TENM3: variants seen among roughly 807,000 people sequenced by gnomAD.
The protein encoded by TENM3 is teneurin transmembrane protein 3, also known as teneurin-3.
TENM3 carries 63 observed loss-of-function variants against 255.1 expected under a neutral mutation model. That is an observed-to-expected ratio of 0.25 (90% CI 0.20 to 0.30). The LOEUF (loss-of-function observed/expected upper bound fraction) is 0.30, where lower values mean the gene tolerates loss of function less well. TENM3 is among the 10% of genes least tolerant of loss of function. The pLI is 1.00. For missense variants in TENM3, 2,929 were observed against 3,461.1 expected (o/e 0.85, Z 3.86); for synonymous variants, 1,306 against 1,322.3 (o/e 0.99, Z 0.27).
At chr4:182,542,924 A>G (rs1347766763) in intron 3 of TENM3, among the ~76,000 whole-genome samples, 1 of 152,224 alleles carries the variant, frequency 6.6e-6, no homozygotes, top group Non-Finnish European at 1.5e-5. Context: ...GATGTGAAGA[A>G]CACACGGGTT....
At chr4:182,780,331 G>A (rs1362246297) in intron 24 of TENM3, among the ~76,000 whole-genome samples, 2 of 127,950 alleles carry the variant, frequency 1.6e-5, no homozygotes, top group South Asian at 2.8e-4. Flanking sequence ...CCCATTGCTT[G>A]TTTTTCTCAG....
chr4:182,101,100 G>GAAGGAAGGAAAGA, the TENM3 span, among the ~76,000 whole-genome samples: 2 of 10,172 alleles, frequency 2.0e-4, 1 homozygote, highest in Non-Finnish European at 5.5e-4. Flanking sequence ...GGGAGGGAGG[G>GAAGGAAGGAAAGA]AGGGAGGAAG....
chr4:182,729,273 A>C (rs1760486009), intron 14 of TENM3, 92 bp downstream of exon 14: 2 of 1,108,586 alleles, frequency 1.8e-6, no homozygotes, highest in Admixed American at 4.6e-5. Flanking sequence ...GAACCTGAGG[A>C]AAGTGCTGTT....
At chr4:181,578,889 T>G in the TENM3 span, among the ~76,000 whole-genome samples, 6 of 152,182 alleles carry the variant, frequency 3.9e-5, no homozygotes, top group Non-Finnish European at 7.3e-5. Flanking sequence ...TCCGAGGTAC[T>G]AGGGGCTAGA....
intron 1 of TENM3, among the ~76,000 whole-genome samples, chr4:182,229,749 C>G (rs1756439324): frequency 6.6e-6 from 1 of 152,084 alleles, no homozygotes; most frequent in African/African-American, 2.4e-5. Context: ...ATTTTAGTAA[C>G]TCATAGAGCT....
Position 182,801,617 on chromosome 4 carries a change from C to G in TENM3, c.*1266C>G, listed in dbSNP as rs1157005452. 1 of 152,254 alleles carries G rather than the reference C, an allele frequency of 6.6e-6. No individual in the cohort carries two copies. The highest frequency in any genetic ancestry group is 2.4e-5 in the African/African-American group (1 of 41,438). The allele number at this position is 152,254 out of a possible 1,614,324, so 9.4% of individuals were successfully genotyped here. ...GGAGGAGGAAAGGTTCTGATGTAGT[C>G]GTGATCCTAAACACGTGTCTTAAGA... On this transcript the variant is annotated 3_prime_UTR_variant, in exon 28 of 28. Coordinates refer to ENST00000511685, the MANE Select transcript of TENM3 (RefSeq NM_001080477.4).
chr4:181,760,023 G>T, the TENM3 span, among the ~76,000 whole-genome samples: 2 of 151,960 alleles, frequency 1.3e-5, no homozygotes, highest in African/African-American at 2.4e-5. Flanking sequence ...CCACCATGCT[G>T]CCTACAGAGA....
intron 1 of TENM3, among the ~76,000 whole-genome samples, chr4:182,284,173 C>CA (rs1381138125): frequency 1.3e-5 from 2 of 151,864 alleles, no homozygotes; most frequent in Non-Finnish European, 2.9e-5. Flanking sequence ...TCAGGGTTAC[C>CA]AAAACCTGCC....
intron 3 of TENM3, among the ~76,000 whole-genome samples, chr4:182,560,977 G>A (rs964198849): frequency 3.3e-5 from 5 of 152,194 alleles, no homozygotes; most frequent in East Asian, 1.9e-4. Context: ...ATTCCTCTCC[G>A]TTCATGGCCA....
intron 3 of TENM3, among the ~76,000 whole-genome samples, chr4:182,513,727 G>GC (rs1218255064): frequency 3.3e-5 from 5 of 152,132 alleles, no homozygotes; most frequent in Non-Finnish European, 7.4e-5. Flanking sequence ...TGGAGGGACT[G>GC]CCCCTCCTAG....
chr4:182,509,886 G>A (rs190362093), intron 3 of TENM3, among the ~76,000 whole-genome samples: 146 of 143,004 alleles, frequency 1.0e-3, no homozygotes, highest in Non-Finnish European at 1.7e-3. Context: ...GCCATGAGCC[G>A]AGACTGCGCC....
chr4:182,346,777 C>G lies in TENM3; in HGVS notation c.359C>G (p.Thr120Ser). The G allele has an allele frequency of 6.2e-7, 1 of 1,613,574 alleles. No homozygotes were observed. The highest frequency in any genetic ancestry group is 8.5e-7 in the Non-Finnish European group (1 of 1,179,740). ...ATCAGTGCAGGGTCAGATGCTGATACTGAAAATGAAGCAGTGATGTCCCCA... is the reference window on the plus strand; with the variant it reads ...ATCAGTGCAGGGTCAGATGCTGATAGTGAAAATGAAGCAGTGATGTCCCCA... Reference protein sequence around the residue: ...YSISAGSDADTENEAVMSPEH... With the variant: ...YSISAGSDADSENEAVMSPEH... Residue 120 changes from threonine to serine, a missense_variant, in exon 3 of 28, where the codon ACT (threonine) becomes AGT (serine). Thr to Ser is a moderately conservative substitution (Grantham distance 58). Coordinates refer to ENST00000511685, the MANE Select transcript of TENM3 (RefSeq NM_001080477.4).
chr4:181,856,374 C>G, the TENM3 span, among the ~76,000 whole-genome samples: 5 of 152,286 alleles, frequency 3.3e-5, no homozygotes, highest in South Asian at 1.0e-3. Flanking sequence ...TCTGCAAAGC[C>G]TCCTCTGCCT....
chr4:182,672,215 G>A (rs1339522728), intron 6 of TENM3, among the ~76,000 whole-genome samples: 1 of 152,168 alleles, frequency 6.6e-6, no homozygotes, highest in African/African-American at 2.4e-5. Context: ...CTAGAAGGAG[G>A]CCATGCAGGA....
Position 182,213,956 on chromosome 4 carries a change from C to T in TENM3, c.-76+69202C>T, listed in dbSNP as rs916275851. Among the ~76,000 whole-genome samples the T allele has an allele frequency of 6.6e-5, 10 of 152,100 alleles. No individual in the cohort carries two copies. The East Asian group carries it at 1.6e-3, about 24-fold the overall frequency. On this transcript the variant is annotated intron_variant, in intron 1 of 2. Transcript: ENST00000512480. ...AGCTGGGACTACAGGCGCCCGCCAC[C>T]ACGCCTGGCTAATTTTTTTGTGTTT...
At chr4:182,332,299 C>T (rs1016245453) in intron 2 of TENM3, among the ~76,000 whole-genome samples, 3 of 152,052 alleles carry the variant, frequency 2.0e-5, no homozygotes, top group Admixed American at 6.6e-5. Context: ...ATTCTACTTC[C>T]AAAATGTATG....
intron 1 of TENM3, among the ~76,000 whole-genome samples, chr4:182,309,085 C>T (rs754438625): frequency 1.3e-5 from 2 of 152,162 alleles, no homozygotes; most frequent in Non-Finnish European, 2.9e-5. Context: ...ATCAGACACT[C>T]AGACTGAACC....
At chr4:181,674,029 T>C in the TENM3 span, among the ~76,000 whole-genome samples, 1 of 152,310 alleles carries the variant, frequency 6.6e-6, no homozygotes, top group African/African-American at 2.4e-5. Context: ...AGGGTCTGGC[T>C]CTGTAGCCCT....
chr4:181,904,381 G>A, the TENM3 span, among the ~76,000 whole-genome samples: 2 of 152,114 alleles, frequency 1.3e-5, no homozygotes, highest in South Asian at 4.1e-4. Context: ...AACACTTGAG[G>A]TGGTAGATGC....
Sources: allele counts gnomAD v4.1 joint callset (sites outside exome capture counted in the v4.1 genomes callset), GRCh38; gene constraint gnomAD v4.1.1; transcripts MANE v1.5; gene names NCBI Gene and HGNC (gene_info 2026-07-23, HGNC 2026-07-21).